FER: variants seen among roughly 807,000 people sequenced by gnomAD.
FER encodes the protein tyrosine-protein kinase Fer.
In FER, 63 loss-of-function variants were observed where a neutral mutation model predicts 111.0. The ratio of observed to expected loss-of-function variants is 0.57; its 90% CI spans 0.46 to 0.70. The LOEUF (loss-of-function observed/expected upper bound fraction) is 0.70. Ranked by LOEUF, FER falls within the 30% of genes least tolerant of loss-of-function variation. The probability of loss-of-function intolerance (pLI) is 0.00; values close to 1 mark genes in which losing one functional copy is unlikely to be tolerated. For missense variants in FER, 914 were observed against 954.0 expected (o/e 0.96, Z 0.55); for synonymous variants, 327 against 313.9 (o/e 1.04, Z -0.44).
At chr5:108,988,643 A>G (rs976925335) in intron 13 of FER, among the ~76,000 whole-genome samples, 8 of 152,004 alleles carry the variant, frequency 5.3e-5, no homozygotes, top group Admixed American at 2.0e-4. Context: ...TCCCATTTCA[A>G]TTATAATTGA....
At chr5:108,921,136 CCT>C (rs1357379318) in intron 10 of FER, among the ~76,000 whole-genome samples, 5 of 152,100 alleles carry the variant, frequency 3.3e-5, no homozygotes, top group Non-Finnish European at 4.4e-5. Flanking sequence ...CTATCAGACC[CCT>C]GTCATCATTA....
At chr5:108,894,461 C>A in intron 9 of FER, 1 of 417,802 alleles carries the variant, frequency 2.4e-6, no homozygotes, top group South Asian at 2.9e-5. Context: ...AGCAGTTCTT[C>A]ACTGATAACA....
At chr5:109,073,679 G>A (rs747607326) in intron 16 of FER, among the ~76,000 whole-genome samples, 8 of 151,786 alleles carry the variant, frequency 5.3e-5, no homozygotes, top group South Asian at 2.1e-4. Context: ...TTTTCCCTTC[G>A]TAAATCAATC....
chr5:108,805,831 T>C (rs1415244739), intron 3 of FER, among the ~76,000 whole-genome samples: 1 of 152,100 alleles, frequency 6.6e-6, no homozygotes, highest in Non-Finnish European at 1.5e-5. Context: ...TTCAGTTTCA[T>C]AAAGGAAGCA....
chr5:109,019,357 AATAG>A (rs1051544631), intron 13 of FER, among the ~76,000 whole-genome samples: 6 of 151,878 alleles, frequency 4.0e-5, no homozygotes, highest in African/African-American at 1.2e-4. Flanking sequence ...CATTTTATAT[AATAG>A]ATAGGTCCTT....
rs1360805064 is a variant in FER at position 108,993,586 on chromosome 5, AGAGGGAGAGGGC to A, written c.1656+34245_1656+34256del. ...GGAGACCGTGGGGAGAGGGAGAGGG[AGAGGGAGAGGGC>A]GAGGGCGAGGGAGAGGGCAAGGGCG... On this transcript the variant is annotated intron_variant, in intron 13 of 19. Coordinates refer to ENST00000281092, the MANE Select transcript of FER (RefSeq NM_005246.4). Among the ~76,000 whole-genome samples the A allele has an allele frequency of 3.5e-3, 466 of 134,384 alleles. 5 individuals are homozygous for A. Among genetic ancestry groups the A allele is most frequent in the African/African-American group, 0.012 (422 of 34,646 alleles). The allele number at this position is 134,384 out of a possible 152,430, so 88.2% of individuals were successfully genotyped here.
chr5:109,043,903 G>A lies in FER; in HGVS notation c.1714-777G>A, dbSNP rs567689274. 7.5e-3 allele frequency among the ~76,000 whole-genome samples: 1,147 copies of A among 151,976 alleles called. 11 individuals carry two copies. Among genetic ancestry groups the A allele is most frequent in the African/African-American group, 0.027 (1,115 of 41,478 alleles). On this transcript the variant is annotated intron_variant, in intron 14 of 19. Coordinates refer to ENST00000281092, the MANE Select transcript of FER (RefSeq NM_005246.4). ...GGAGAATTGCTTGAACCTGGGAGGCGGAGGTTGCAGTGAGCCGAGATTGTG... is the reference window on the plus strand; with the variant it reads ...GGAGAATTGCTTGAACCTGGGAGGCAGAGGTTGCAGTGAGCCGAGATTGTG...
At chr5:108,934,737 T>G (rs996289112) in intron 10 of FER, among the ~76,000 whole-genome samples, 1 of 152,174 alleles carries the variant, frequency 6.6e-6, no homozygotes, top group Non-Finnish European at 1.5e-5. Context: ...ACTGCTGAGC[T>G]GTAAATGTTG....
At chr5:109,044,651 C>G (rs190460910) in intron 14 of FER, 29 bp from the exon 15 acceptor site, 1 of 1,160,292 alleles carries the variant, frequency 8.6e-7, no homozygotes, top group Non-Finnish European at 1.2e-6. Context: ...GTCATTTACC[C>G]CAGACAATGA....
intron 3 of FER, among the ~76,000 whole-genome samples, chr5:108,801,787 T>C (rs1756680081): frequency 6.6e-6 from 1 of 152,194 alleles, no homozygotes; most frequent in Non-Finnish European, 1.5e-5. Flanking sequence ...AGGAGACACT[T>C]TCTGTCTTCT....
Position 109,044,899 on chromosome 5 carries a change from GTA to G in FER, c.1829+105_1829+106del, listed in dbSNP as rs1400236189. The G allele has an allele frequency of 1.9e-5, 12 of 621,542 alleles. No homozygotes were observed. In the East Asian group the frequency reaches 3.9e-4, roughly 20 times the overall value. 38.5% of individuals were successfully genotyped at this position (621,542 alleles called of 1,614,324 possible). A position where few individuals can be genotyped will look rare whatever the true frequency, so the allele number is the denominator to read the frequency against. On this transcript the variant is annotated intron_variant, in intron 15 of 19. Coordinates refer to ENST00000281092, the MANE Select transcript of FER (RefSeq NM_005246.4). ...ATTGTGATTTACTGAAATAGTAGGG[GTA>G]AGCACTTTTACAGTATGGAATCCAA...
chr5:108,822,293 T>G (rs1315998471), intron 3 of FER, among the ~76,000 whole-genome samples: 1 of 152,242 alleles, frequency 6.6e-6, no homozygotes, highest in Non-Finnish European at 1.5e-5. Flanking sequence ...TTCCTATATC[T>G]TGCCTATTAT....
In FER at chr5:108,897,779, A is replaced by G. The variant is rs767608654; in HGVS notation, c.1167A>G (p.Gln389=). ...AGGAATTACTAGAGCAAAAAGTGCA[A>G]GAAAATGATGGGAAAGAGCCACCTC... The part of the protein sequence containing the change: ...AQKELLEQKV[Q]ENDGKEPPPV... Residue 389 remains glutamine (Q), a synonymous_variant, in exon 10 of 20, where the codon CAA becomes CAG. Transcript: ENST00000281092. 16 of 1,613,792 alleles carry G rather than the reference A, an allele frequency of 9.9e-6. No homozygotes were observed. In the South Asian group the frequency reaches 1.6e-4, roughly 17 times the overall value.
intron 3 of FER, among the ~76,000 whole-genome samples, chr5:108,817,648 A>G (rs533060965): frequency 5.9e-5 from 9 of 152,162 alleles, no homozygotes; most frequent in Non-Finnish European, 1.2e-4. Flanking sequence ...TCTTTAATCC[A>G]GTGTTGTAGA....
chr5:109,183,144 A>G (rs1188126269), intron 18 of FER, among the ~76,000 whole-genome samples: 1 of 152,118 alleles, frequency 6.6e-6, no homozygotes, highest in Non-Finnish European at 1.5e-5. Context: ...ACCCAGTCCA[A>G]TGAGAGAGTT....
At chr5:109,051,869 A>G in intron 16 of FER, 2 of 1,561,924 alleles carry the variant, frequency 1.3e-6, no homozygotes, top group Admixed American at 3.3e-5. Flanking sequence ...GAGAGGAAGC[A>G]GTCCACCTGA....
intron 13 of FER, among the ~76,000 whole-genome samples, chr5:109,002,669 A>G (rs1362842035): frequency 2.0e-5 from 3 of 152,352 alleles, no homozygotes; most frequent in Middle Eastern, 3.4e-3. Flanking sequence ...AGAAACTACT[A>G]TCAGAGTGAA....
At chr5:108,810,186 G>A (rs1449911184) in intron 3 of FER, among the ~76,000 whole-genome samples, 3 of 152,072 alleles carry the variant, frequency 2.0e-5, no homozygotes, top group African/African-American at 4.8e-5. Flanking sequence ...CTGCCGTATG[G>A]ACTTCCGTTG....
intron 13 of FER, among the ~76,000 whole-genome samples, chr5:109,012,259 G>A (rs530108854): frequency 1.3e-5 from 2 of 152,304 alleles, no homozygotes; most frequent in African/African-American, 4.8e-5. Flanking sequence ...CTAAGATAAT[G>A]TTCACATAGA....
Sources: gnomAD v4.1 joint callset for allele counts (sites outside exome capture counted in the v4.1 genomes callset) on GRCh38, gnomAD v4.1.1 for gene constraint, MANE v1.5 for transcripts, NCBI Gene and HGNC (gene_info 2026-07-23, HGNC 2026-07-21) for gene names.